Variants in NAT14 observed in about 807,000 individuals in gnomAD.
NAT14 encodes probable N-acetyltransferase 14.
NAT14 carries 14 observed loss-of-function variants against 12.1 expected under a neutral mutation model. That is an observed-to-expected ratio of 1.16 (90% CI 0.76 to 1.81). The LOEUF (loss-of-function observed/expected upper bound fraction) is 1.81. Ranked by LOEUF, NAT14 falls within the 40% of genes most tolerant of loss-of-function variation. The pLI, the probability that NAT14 is intolerant of heterozygous loss-of-function variation, is 0.00. For synonymous variants in NAT14, 156 were observed against 145.1 expected, an observed-to-expected ratio of 1.08 and a Z score of -0.54; for missense variants, 341 against 304.3, an observed-to-expected ratio of 1.12 and a Z score of -0.90.
rs780216633 is a variant in NAT14, at chr19:55,486,651, G to A, written c.316G>A (p.Asp106Asn). The change falls in exon 3 of 3, where the codon GAC (aspartate) becomes AAC (asparagine). Residue 106 changes from aspartate to asparagine, a missense_variant. Coordinates refer to ENST00000205194, the MANE Select transcript of NAT14 (RefSeq NM_020378.4). ...CTGGGTGGCCGTGCGGGGCTCCGGTGACGTGTGTGGGGTCCTGGCTCTGGC... is the reference window on the plus strand; with the variant it reads ...CTGGGTGGCCGTGCGGGGCTCCGGTAACGTGTGTGGGGTCCTGGCTCTGGC... ...GPWVAVRGSG[D>N]VCGVLALAPG... 3.3e-6 allele frequency: 5 copies of A among 1,495,976 alleles called. No individual in the cohort carries two copies. The highest frequency in any genetic ancestry group is 4.4e-6 in the Non-Finnish European group (5 of 1,133,622). The allele number at this position is 1,495,976 out of a possible 1,614,324, so 92.7% of individuals were successfully genotyped here. A position where few individuals can be genotyped will look rare whatever the true frequency, so the allele number is the denominator to read the frequency against.
intron 2 of NAT14, 111 bp downstream of exon 2, chr19:55,485,891 G>T: frequency 1.2e-6 from 1 of 860,810 alleles, no homozygotes; most frequent in South Asian, 1.5e-5. Flanking sequence ...CCTGGAGCGG[G>T]ATCTTTTCCT....
In NAT14 at chr19:55,487,069, C is replaced by T. The variant is rs1986946376; in HGVS notation, c.*113C>T. 7.1e-7 allele frequency: 1 copy of T among 1,414,058 alleles called. No homozygotes were observed. The highest frequency in any genetic ancestry group is 1.5e-5 in the South Asian group (1 of 68,130). 87.6% of individuals were successfully genotyped at this position (1,414,058 alleles called of 1,614,324 possible). A position where few individuals can be genotyped will look rare whatever the true frequency, so the allele number is the denominator to read the frequency against. ...TCTCCCTCAGTGAGTCCTCAACCAC[C>T]CTGGGCCCAGAAACAGAGGCCTGCC... On this transcript the variant is annotated 3_prime_UTR_variant, in exon 3 of 3. Transcript: ENST00000205194.
Position 55,487,295 on chromosome 19 carries a change from C to G in NAT14, c.*339C>G. On this transcript the variant is annotated 3_prime_UTR_variant, in exon 3 of 3. Coordinates refer to ENST00000205194, the MANE Select transcript of NAT14 (RefSeq NM_020378.4). ...CTGCAAAGTCTGTGCTGTCCGTGCC[C>G]CAGGCTGGGAGAGCTATCTGGGGAG... 2.3e-6 allele frequency: 1 copy of G among 434,476 alleles called. No homozygotes were observed. The highest frequency in any genetic ancestry group is 4.0e-6 in the Non-Finnish European group (1 of 248,382). 26.9% of individuals were successfully genotyped at this position (434,476 alleles called of 1,614,324 possible).
In NAT14 at chr19:55,486,332, G is replaced by C. The variant is rs981976754; in HGVS notation, c.73-76G>C. 3.8e-5 allele frequency: 52 copies of C among 1,386,112 alleles called. No individual in the cohort carries two copies. The African/African-American group carries it at 7.8e-4, about 21-fold the overall frequency. The allele number at this position is 1,386,112 out of a possible 1,614,324, so 85.9% of individuals were successfully genotyped here. A position where few individuals can be genotyped will look rare whatever the true frequency, so the allele number is the denominator to read the frequency against. On this transcript the variant is annotated intron_variant, in intron 2 of 2. Coordinates refer to ENST00000205194, the MANE Select transcript of NAT14 (RefSeq NM_020378.4). ...CATTTGGGAGCTCTCACCCCGCCCC[G>C]GGCAGGGTCTACCTCCTCTCTTTGT...
In NAT14 at chr19:55,486,576, C is replaced by G; in HGVS notation, c.241C>G (p.Leu81Val). Residue 81 changes from leucine to valine, a missense_variant, in exon 3 of 3, where the codon CTG becomes GTG. Leu to Val is a conservative substitution (Grantham distance 32, BLOSUM62 1). Transcript: ENST00000205194. ...GGCTGTGGCCGCCGTGAAGCTGGGC[C>G]TGCGGGCCCGATGGGGCTCGCTGCC... ...FLAVAAVKLG[L>V]RARWGSLPPP... 1.3e-6 allele frequency: 2 copies of G among 1,580,074 alleles called. No individual in the cohort carries two copies. Among genetic ancestry groups the G allele is most frequent in the Non-Finnish European group, 1.7e-6 (2 of 1,171,804 alleles).
In NAT14 at chr19:55,487,204, C is replaced by T. The variant is rs754417126; in HGVS notation, c.*248C>T. On this transcript the variant is annotated 3_prime_UTR_variant, in exon 3 of 3. Transcript: ENST00000205194. ...TCCTTCCTGGCCCTCGGGGGCCTCT[C>T]GAGGTCAGCCTCTCCAACCCCTACC... 4 of 567,452 alleles carry T rather than the reference C, an allele frequency of 7.0e-6. No individual in the cohort carries two copies. Among genetic ancestry groups the T allele is most frequent in the African/African-American group, 2.0e-5 (1 of 50,138 alleles). 35.2% of individuals were successfully genotyped at this position (567,452 alleles called of 1,614,324 possible). A position where few individuals can be genotyped will look rare whatever the true frequency, so the allele number is the denominator to read the frequency against.
rs961760401 is a variant in NAT14, at chr19:55,486,321, C to T, written c.73-87C>T. On this transcript the variant is annotated intron_variant, in intron 2 of 2. Coordinates refer to ENST00000205194, the MANE Select transcript of NAT14 (RefSeq NM_020378.4). ...CCTTCCCTTCCCATTTGGGAGCTCTCACCCCGCCCCGGGCAGGGTCTACCT... is the reference window on the plus strand; with the variant it reads ...CCTTCCCTTCCCATTTGGGAGCTCTTACCCCGCCCCGGGCAGGGTCTACCT... 6 of 1,384,448 alleles carry T rather than the reference C, an allele frequency of 4.3e-6. No individual in the cohort carries two copies. The African/African-American group carries it at 4.6e-5, about 11-fold the overall frequency. 85.8% of individuals were successfully genotyped at this position (1,384,448 alleles called of 1,614,324 possible). A position where few individuals can be genotyped will look rare whatever the true frequency, so the allele number is the denominator to read the frequency against.
Position 55,486,943 on chromosome 19 carries a change from G to A in NAT14, c.608G>A (p.Ser203Asn), listed in dbSNP as rs1357854846. Residue 203 changes from serine (S) to asparagine (N), a missense_variant, in exon 3 of 3, where the codon AGC (serine) becomes AAC (asparagine). By Grantham distance (46) the Ser-to-Asn change is conservative. Transcript: ENST00000205194. ...GGCTACACGCTGGTGAGGGAATTCAGCAAAGACCTGTGAAGCTACAGACTG... is the reference window on the plus strand; with the variant it reads ...GGCTACACGCTGGTGAGGGAATTCAACAAAGACCTGTGAAGCTACAGACTG... ...CLGYTLVREFSKDL is the reference protein window; with the variant it reads ...CLGYTLVREFNKDL 6.4e-7 allele frequency: 1 copy of A among 1,560,976 alleles called. No homozygotes were observed. The highest frequency in any genetic ancestry group is 1.2e-5 in the South Asian group (1 of 86,362).
chr19:55,487,177 T>C lies in NAT14; in HGVS notation c.*221T>C, dbSNP rs1338297469. The C allele has an allele frequency of 6.0e-6, 4 of 671,962 alleles. No individual in the cohort carries two copies. Among genetic ancestry groups the C allele is most frequent in the African/African-American group, 3.8e-5 (2 of 52,020 alleles). The allele number at this position is 671,962 out of a possible 1,614,324, so 41.6% of individuals were successfully genotyped here. On this transcript the variant is annotated 3_prime_UTR_variant, in exon 3 of 3. Transcript: ENST00000205194. ...AGCTTCTCAGAGTGGAATGACTCCT[T>C]TTCCTTCCTGGCCCTCGGGGGCCTC...
chr19:55,487,159 C>T lies in NAT14; in HGVS notation c.*203C>T. On this transcript the variant is annotated 3_prime_UTR_variant, in exon 3 of 3. Transcript: ENST00000205194. ...TGAAGTCTGTTGTGTTTGAGCTTCT[C>T]AGAGTGGAATGACTCCTTTTCCTTC... The T allele has an allele frequency of 1.3e-6, 1 of 782,932 alleles. No homozygotes were observed. 48.5% of individuals were successfully genotyped at this position (782,932 alleles called of 1,614,324 possible).
rs1251291337 is a variant in NAT14, at chr19:55,486,522, G to A, written c.187G>A (p.Ala63Thr). Residue 63 changes from alanine (A) to threonine (T), a missense_variant, in exon 3 of 3, where the codon GCC becomes ACC. Physicochemically the swap from Ala to Thr is moderately conservative, Grantham distance 58. Coordinates refer to ENST00000205194, the MANE Select transcript of NAT14 (RefSeq NM_020378.4). ...CCTGCGCTTTGTCCTGGCTTCCTTC[G>A]CCCTGGCCCTCCTCCTGCCGGTGTT... ...SGLRFVLASF[A>T]LALLLPVFLA... 6 of 1,587,192 alleles carry A rather than the reference G, an allele frequency of 3.8e-6. No homozygotes were observed. Among genetic ancestry groups the A allele is most frequent in the South Asian group, 1.1e-5 (1 of 88,742 alleles).
rs1373532803 is a variant in NAT14, at chr19:55,487,008, G to C, written c.*52G>C. 1.3e-6 allele frequency: 2 copies of C among 1,513,028 alleles called. No individual in the cohort carries two copies. The highest frequency in any genetic ancestry group is 1.8e-6 in the Non-Finnish European group (2 of 1,136,730). 93.7% of individuals were successfully genotyped at this position (1,513,028 alleles called of 1,614,324 possible). A position where few individuals can be genotyped will look rare whatever the true frequency, so the allele number is the denominator to read the frequency against. On this transcript the variant is annotated 3_prime_UTR_variant, in exon 3 of 3. Transcript: ENST00000205194. Reference sequence around the variant, plus strand: ...GGAGGAGGGAGGGGCGCCAGCACCTGATGATCGCCTACTGTCTGCGGGTTC... The same window carrying C: ...GGAGGAGGGAGGGGCGCCAGCACCTCATGATCGCCTACTGTCTGCGGGTTC...
chr19:55,486,594 T>C lies in NAT14; in HGVS notation c.259T>C (p.Ser87Pro). ...VKLGLRARWGSLPPPGGLGGP... is the reference protein window; with the variant it reads ...VKLGLRARWGPLPPPGGLGGP... ...GCTGGGCCTGCGGGCCCGATGGGGC[T>C]CGCTGCCTCCGCCGGGTGGCCTGGG... The change falls in exon 3 of 3, where the codon TCG (serine) becomes CCG (proline). Residue 87 changes from serine (S) to proline (P), a missense_variant. Transcript: ENST00000205194. 6.4e-7 allele frequency: 1 copy of C among 1,563,972 alleles called. No homozygotes were observed. Among genetic ancestry groups the C allele is most frequent in the South Asian group, 1.2e-5 (1 of 86,346 alleles).
chr19:55,485,824 G>A, intron 2 of NAT14, 44 bp downstream of exon 2: 1 of 1,422,420 alleles, frequency 7.0e-7, no homozygotes, highest in Non-Finnish European at 9.7e-7. Context: ...GGCTGCAGTG[G>A]GGGAATTGCA....
chr19:55,485,322 G>C lies in NAT14; in HGVS notation c.-49+64G>C, dbSNP rs568614555. 3 of 203,000 alleles carry C rather than the reference G, an allele frequency of 1.5e-5. No individual in the cohort carries two copies. The East Asian group carries it at 3.4e-4, about 23-fold the overall frequency. The allele number at this position is 203,000 out of a possible 1,614,324, so 12.6% of individuals were successfully genotyped here. ...ACGACTGTGGGGGAGGGGGCGCTGGGGACCGGGGTGGAGCGAGCGTGGTCC... is the reference window on the plus strand; with the variant it reads ...ACGACTGTGGGGGAGGGGGCGCTGGCGACCGGGGTGGAGCGAGCGTGGTCC... On this transcript the variant is annotated intron_variant, in intron 1 of 2. Transcript: ENST00000205194.
Position 55,487,510 on chromosome 19 carries a change from C to A in NAT14, c.*554C>A, listed in dbSNP as rs749027230. 49 of 395,970 alleles carry A rather than the reference C, an allele frequency of 1.2e-4. No individual in the cohort carries two copies. Among genetic ancestry groups the A allele is most frequent in the Non-Finnish European group, 1.9e-4 (43 of 225,022 alleles). The allele number at this position is 395,970 out of a possible 1,614,324, so 24.5% of individuals were successfully genotyped here. On this transcript the variant is annotated 3_prime_UTR_variant, in exon 3 of 3. Coordinates refer to ENST00000205194, the MANE Select transcript of NAT14 (RefSeq NM_020378.4). Reference sequence around the variant, plus strand: ...GAGAGCTGAGACGGGCAGCCCTGTCCCTTCCTCCAGATCCGTCTGGTTTTT... The same window carrying A: ...GAGAGCTGAGACGGGCAGCCCTGTCACTTCCTCCAGATCCGTCTGGTTTTT...
rs1294984475 is a variant in NAT14 at position 55,486,865 on chromosome 19, G to A, written c.530G>A (p.Gly177Glu). The change falls in exon 3 of 3, where the codon GGA becomes GAA. Residue 177 changes from glycine (G) to glutamate (E), a missense_variant. By Grantham distance (98) the Gly-to-Glu change is moderately conservative. Coordinates refer to ENST00000205194, the MANE Select transcript of NAT14 (RefSeq NM_020378.4). The stretch of plus-strand genomic sequence containing the variant: ...GTGGCTGTGGCCGCCTGGGGGGTGG[G>A]AGGGATGCTGGAGGGCTGTGGCTAC... ...VPVAVAAWGV[G>E]GMLEGCGYQA... 10 of 1,532,142 alleles carry A rather than the reference G, an allele frequency of 6.5e-6. No homozygotes were observed. The highest frequency in any genetic ancestry group is 8.7e-6 in the Non-Finnish European group (10 of 1,145,976). 94.9% of individuals were successfully genotyped at this position (1,532,142 alleles called of 1,614,324 possible).
In NAT14 at chr19:55,486,767, G is replaced by T; in HGVS notation, c.432G>T (p.Leu144=). The part of the protein sequence containing the change: ...HRRRGVGRRL[L]AFAEARARAW... ...GCCGGGGCGTGGGCAGGAGGCTGCT[G>T]GCCTTCGCGGAGGCCCGGGCTCGGG... Residue 144 remains leucine (L), a synonymous_variant, in exon 3 of 3, where the codon CTG becomes CTT. Coordinates refer to ENST00000205194, the MANE Select transcript of NAT14 (RefSeq NM_020378.4). 7.0e-7 allele frequency: 1 copy of T among 1,421,586 alleles called. No homozygotes were observed. Among genetic ancestry groups the T allele is most frequent in the Non-Finnish European group, 9.1e-7 (1 of 1,099,008 alleles). The allele number at this position is 1,421,586 out of a possible 1,614,324, so 88.1% of individuals were successfully genotyped here. A position where few individuals can be genotyped will look rare whatever the true frequency, so the allele number is the denominator to read the frequency against.
rs1266507963 is a variant in NAT14 at position 55,487,297 on chromosome 19, AG to A, written c.*343del. 1.6e-5 allele frequency: 7 copies of A among 432,094 alleles called. No homozygotes were observed. Among genetic ancestry groups the A allele is most frequent in the Non-Finnish European group, 2.8e-5 (7 of 247,100 alleles). 26.8% of individuals were successfully genotyped at this position (432,094 alleles called of 1,614,324 possible). The stretch of plus-strand genomic sequence containing the variant: ...GCAAAGTCTGTGCTGTCCGTGCCCC[AG>A]GCTGGGAGAGCTATCTGGGGAGGGG... On this transcript the variant is annotated 3_prime_UTR_variant, in exon 3 of 3. Transcript: ENST00000205194.
Sources: allele counts gnomAD v4.1 joint callset, GRCh38; gene constraint gnomAD v4.1.1; transcripts MANE v1.5; gene names NCBI Gene and HGNC (gene_info 2026-07-23, HGNC 2026-07-21).